BSPH1: variants seen among roughly 807,000 people sequenced by gnomAD.
The protein encoded by BSPH1 is binder of sperm protein homolog 1.
BSPH1 carries 21 observed loss-of-function variants against 22.5 expected under a neutral mutation model. The ratio of observed to expected loss-of-function variants is 0.93; its 90% CI spans 0.66 to 1.35. The LOEUF (loss-of-function observed/expected upper bound fraction) is 1.35. Among genes scored for constraint, BSPH1 ranks in the 40% most tolerant of loss-of-function variants. BSPH1 has a pLI of 0.00. For synonymous variants in BSPH1, 42 were observed against 53.6 expected, an observed-to-expected ratio of 0.78 and a Z score of 0.95; for missense variants, 141 against 154.2, an observed-to-expected ratio of 0.91 and a Z score of 0.45.
chr19:47,980,208 A>AT (rs368740521), intron 2 of BSPH1, among the ~76,000 whole-genome samples: 2 of 151,174 alleles, frequency 1.3e-5, no homozygotes, highest in African/African-American at 4.9e-5. Flanking sequence ...ATTAAAAATA[A>AT]TAATTAAAAA....
intron 1 of BSPH1, among the ~76,000 whole-genome samples, chr19:47,982,565 G>A (rs1239088888): frequency 6.6e-6 from 1 of 152,158 alleles, no homozygotes; most frequent in Admixed American, 6.5e-5. Flanking sequence ...AGAATCACCA[G>A]CTGAGTTTTT....
intron 3 of BSPH1, chr19:47,977,734 A>G (rs1969378676): frequency 1.0e-6 from 1 of 969,224 alleles, no homozygotes; most frequent in Admixed American, 6.2e-5. Flanking sequence ...AACAGTCTCA[A>G]AATTTTGCTT....
intron 1 of BSPH1, among the ~76,000 whole-genome samples, chr19:47,984,192 T>A (rs1489817222): frequency 6.8e-6 from 1 of 146,846 alleles, no homozygotes; most frequent in African/African-American, 2.5e-5. Context: ...TATAAATATA[T>A]ATAATATGTA....
intron 1 of BSPH1, among the ~76,000 whole-genome samples, chr19:47,990,452 T>G (rs4801739): frequency 2.0e-5 from 3 of 151,864 alleles, no homozygotes; most frequent in Non-Finnish European, 4.4e-5. Context: ...TTCCTTTTTA[T>G]GTATCTACAA....
intron 5 of BSPH1, among the ~76,000 whole-genome samples, chr19:47,969,754 G>A (rs1425993392): frequency 6.6e-6 from 1 of 151,148 alleles, no homozygotes; most frequent in African/African-American, 2.4e-5. Context: ...GTGTGTGAGA[G>A]AGAGAGACTT....
intron 1 of BSPH1, among the ~76,000 whole-genome samples, chr19:47,982,146 C>A (rs1010351714): frequency 6.6e-6 from 1 of 152,118 alleles, no homozygotes. Context: ...AATTTACCAA[C>A]AAGTAAATTT....
At chr19:47,990,179 G>A (rs1170488673) in intron 1 of BSPH1, among the ~76,000 whole-genome samples, 2 of 150,902 alleles carry the variant, frequency 1.3e-5, no homozygotes, top group African/African-American at 4.9e-5. Flanking sequence ...TTGCAAGGGA[G>A]AGAGAGGGAG....
At chr19:47,973,376 A>G (rs1969330532) in intron 5 of BSPH1, among the ~76,000 whole-genome samples, 1 of 152,026 alleles carries the variant, frequency 6.6e-6, no homozygotes, top group South Asian at 2.1e-4. Context: ...TTTTATTGGT[A>G]CCATCTCATC....
intron 1 of BSPH1, among the ~76,000 whole-genome samples, chr19:47,991,476 CCTT>C (rs71334247): frequency 0.17 from 24,807 of 143,244 alleles, 2,356 homozygotes; most frequent in Non-Finnish European, 0.22. Context: ...CTTTCCTCCT[CCTT>C]CTTCTTCTCT....
chr19:47,991,199 C>A (rs960785567), intron 1 of BSPH1, among the ~76,000 whole-genome samples: 1 of 151,936 alleles, frequency 6.6e-6, no homozygotes. Flanking sequence ...AATACAGCGC[C>A]GACCACACCA....
In BSPH1 at chr19:47,976,732, T is replaced by C; in HGVS notation, c.379A>G (p.Ile127Val). 6.4e-7 allele frequency: 1 copy of C among 1,551,940 alleles called. No homozygotes were observed. ...SLTKNFNKDR[I>V]WKYCE ...CACCATCATTCACAGTATTTCCAAATTCGGTCCTTGTTAAAATTCTTGGTC... is the reference window on the plus strand; with the variant it reads ...CACCATCATTCACAGTATTTCCAAACTCGGTCCTTGTTAAAATTCTTGGTC... The change falls in exon 5 of 6, where the codon ATT (isoleucine) becomes GTT (valine). Residue 127 changes from isoleucine (I) to valine (V), a missense_variant. Physicochemically the swap from Ile to Val is conservative, Grantham distance 29. Coordinates refer to ENST00000344839, the MANE Select transcript of BSPH1 (RefSeq NM_001128326.2).
intron 1 of BSPH1, among the ~76,000 whole-genome samples, chr19:47,988,362 G>A (rs571931864): frequency 3.0e-4 from 46 of 152,272 alleles, no homozygotes; most frequent in African/African-American, 1.1e-3. Flanking sequence ...GAGTCAGCAA[G>A]AATCACGATC....
intron 1 of BSPH1, among the ~76,000 whole-genome samples, chr19:47,990,247 A>G (rs1257648109): frequency 6.6e-6 from 1 of 152,168 alleles, no homozygotes; most frequent in African/African-American, 2.4e-5. Flanking sequence ...CATCATTTAA[A>G]ATACAGGCTA....
At chr19:47,974,207 G>A (rs1969337965) in intron 5 of BSPH1, among the ~76,000 whole-genome samples, 1 of 150,684 alleles carries the variant, frequency 6.6e-6, no homozygotes. Context: ...AGAAGGTTGA[G>A]GTATTAATTC....
chr19:47,991,275 G>C (rs1966872537), intron 1 of BSPH1, among the ~76,000 whole-genome samples: 1 of 152,088 alleles, frequency 6.6e-6, no homozygotes, highest in Non-Finnish European at 1.5e-5. Context: ...CCATGCTCCT[G>C]TCAGACACTC....
chr19:47,986,562 G>C (rs916055205), intron 1 of BSPH1, among the ~76,000 whole-genome samples: 1 of 151,890 alleles, frequency 6.6e-6, no homozygotes, highest in African/African-American at 2.4e-5. Context: ...AACATAGCAA[G>C]ACCCCATCTC....
At chr19:47,980,589 C>T (rs1463588816) in intron 2 of BSPH1, 1 of 154,062 alleles carries the variant, frequency 6.5e-6, no homozygotes, top group Non-Finnish European at 1.4e-5. Context: ...TTGCCTCAGC[C>T]TCGGGAGTAG....
intron 1 of BSPH1, among the ~76,000 whole-genome samples, chr19:47,989,956 TAAA>T (rs919669696): frequency 7.9e-5 from 12 of 151,620 alleles, no homozygotes; most frequent in Non-Finnish European, 4.4e-5. Context: ...TGGTCTCTAC[TAAA>T]AATACAAAAA....
chr19:47,982,575 T>G (rs182028385), intron 1 of BSPH1, among the ~76,000 whole-genome samples: 41 of 152,210 alleles, frequency 2.7e-4, no homozygotes, highest in African/African-American at 9.9e-4. Context: ...GCTGAGTTTT[T>G]AAAAACCCAG....
Sources: gnomAD v4.1 joint callset for allele counts (sites outside exome capture counted in the v4.1 genomes callset) on GRCh38, gnomAD v4.1.1 for gene constraint, MANE v1.5 for transcripts, NCBI Gene and HGNC (gene_info 2026-07-23, HGNC 2026-07-21) for gene names.